The following SLC39A11 variants were observed in gnomAD, a reference collection of about 807,000 sequenced individuals.
SLC39A11 encodes zinc transporter ZIP11.
A neutral mutation model predicts 36.1 loss-of-function variants in SLC39A11; 33 were observed. The ratio of observed to expected loss-of-function variants is 0.91; its 90% CI spans 0.69 to 1.22. The LOEUF is 1.22. Ranked by LOEUF, SLC39A11 falls within the 50% of genes most tolerant of loss-of-function variation. SLC39A11 has a pLI of 0.00. For synonymous variants in SLC39A11, 166 were observed against 170.3 expected (o/e 0.97, Z 0.20); for missense variants, 432 against 430.3 (o/e 1.00, Z -0.03).
intron 7 of SLC39A11, among the ~76,000 whole-genome samples, chr17:72,734,671 G>A (rs1390835059): frequency 6.6e-6 from 1 of 152,220 alleles, no homozygotes; most frequent in Non-Finnish European, 1.5e-5. Context: ...AGAAAGTGCA[G>A]GTGACAGAAC....
chr17:72,985,573 G>A (rs930387810), intron 4 of SLC39A11, among the ~76,000 whole-genome samples: 2 of 151,794 alleles, frequency 1.3e-5, no homozygotes, highest in African/African-American at 4.8e-5. Flanking sequence ...CCACAACACC[G>A]AGCTAATTTT....
chr17:72,877,276 A>G lies in SLC39A11; in HGVS notation c.431-27472T>C, dbSNP rs560257206. 3.3e-5 allele frequency among the ~76,000 whole-genome samples: 5 copies of G among 152,318 alleles called. No homozygotes were observed. The South Asian group carries it at 8.3e-4, about 25-fold the overall frequency. On this transcript the variant is annotated intron_variant, in intron 5 of 9. Transcript: ENST00000255559. ...GTGATCAAATGTTCCTGTCTTTCCA[A>G]TCTAACTGCCTTTCTCTCTCACCTC...
At chr17:73,026,925 C>A (rs928159661) in intron 4 of SLC39A11, among the ~76,000 whole-genome samples, 35 of 151,860 alleles carry the variant, frequency 2.3e-4, no homozygotes, top group African/African-American at 8.5e-4. Context: ...CAAGACTAGC[C>A]CGGGCAACAT....
At chr17:72,823,617 T>C (rs1023882473) in intron 6 of SLC39A11, 4 of 151,478 alleles carry the variant, frequency 2.6e-5, no homozygotes, top group African/African-American at 9.7e-5. Context: ...CTGATATCAT[T>C]ACTCAGAGTC....
At chr17:72,938,759 T>A (rs1009129582) in intron 5 of SLC39A11, among the ~76,000 whole-genome samples, 1 of 152,176 alleles carries the variant, frequency 6.6e-6, no homozygotes. Context: ...CTAAAGCACA[T>A]TAAAAACACA....
chr17:72,802,751 C>T (rs940690462), intron 6 of SLC39A11, among the ~76,000 whole-genome samples: 5 of 152,042 alleles, frequency 3.3e-5, no homozygotes, highest in African/African-American at 4.8e-5. Flanking sequence ...CAGTAGAGAG[C>T]CACTCACTGT....
At chr17:72,876,985 A>G (rs1401925768) in intron 5 of SLC39A11, among the ~76,000 whole-genome samples, 1 of 152,246 alleles carries the variant, frequency 6.6e-6, no homozygotes, top group African/African-American at 2.4e-5. Context: ...GGCCCTAGCC[A>G]GGCACCCAGC....
At position 72,870,415 on chromosome 17, in the gene SLC39A11, G is replaced by C. The variant is rs558192965; in HGVS notation, c.431-20611C>G. ...GTCTCATGATAACTTCCAGGAGTTAGGTAGCATGAGATAGAAAATTATTCC... is the reference window on the plus strand; with the variant it reads ...GTCTCATGATAACTTCCAGGAGTTACGTAGCATGAGATAGAAAATTATTCC... On this transcript the variant is annotated intron_variant, in intron 5 of 9. Coordinates refer to ENST00000255559, the MANE Select transcript of SLC39A11 (RefSeq NM_139177.4). Among the ~76,000 whole-genome samples, 61 of 152,364 alleles carry C rather than the reference G, an allele frequency of 4.0e-4. No individual in the cohort carries two copies. The South Asian group carries it at 0.012, about 30-fold the overall frequency.
At position 72,914,636 on chromosome 17, in the gene SLC39A11, T is replaced by G. The variant is rs565816209; in HGVS notation, c.430+33116A>C. 2.6e-5 allele frequency among the ~76,000 whole-genome samples: 4 copies of G among 152,208 alleles called. No individual in the cohort carries two copies. In the South Asian group the frequency reaches 8.3e-4, roughly 32 times the overall value. ...TGGCTCACGTCTGCATTCCCAGCAC[T>G]TTGGGAGGTCGAGGTGGGCAGATCA... is the stretch of plus-strand genomic sequence containing the variant. On this transcript the variant is annotated intron_variant, in intron 5 of 9. Transcript: ENST00000255559.
At chr17:72,729,039 TATTCTTTTTCAGTTGGTGC>T (rs2074045935) in intron 7 of SLC39A11, among the ~76,000 whole-genome samples, 1 of 152,078 alleles carries the variant, frequency 6.6e-6, no homozygotes, top group Non-Finnish European at 1.5e-5. Flanking sequence ...GGGCTGTAAA[TATTCTTTTTCAGTTGGTGC>T]ATTCTTCACA....
At chr17:72,727,793 T>TA (rs2073993409) in intron 7 of SLC39A11, among the ~76,000 whole-genome samples, 1 of 151,318 alleles carries the variant, frequency 6.6e-6, no homozygotes, top group Non-Finnish European at 1.5e-5. Context: ...CCTGGCCAGG[T>TA]AGGGAGGTGG....
intron 5 of SLC39A11, among the ~76,000 whole-genome samples, chr17:72,902,956 A>AC (rs2082469929): frequency 6.6e-6 from 1 of 151,808 alleles, no homozygotes; most frequent in African/African-American, 2.4e-5. Context: ...AGTTAGAAAA[A>AC]AAAGTCATTA....
At chr17:72,896,771 C>T (rs762465354) in intron 5 of SLC39A11, among the ~76,000 whole-genome samples, 19 of 151,952 alleles carry the variant, frequency 1.3e-4, no homozygotes, top group Non-Finnish European at 2.2e-4. Flanking sequence ...GTCCTCACAG[C>T]CAGGTGCGGT....
chr17:73,045,773 T>C (rs1327546634), intron 3 of SLC39A11, among the ~76,000 whole-genome samples: 1 of 152,182 alleles, frequency 6.6e-6, no homozygotes, highest in Non-Finnish European at 1.5e-5. Flanking sequence ...CCATGCAGAC[T>C]TAAAAAACAA....
rs181994987 is a variant in SLC39A11 at position 72,823,550 on chromosome 17, C to T, written c.601+26084G>A. The T allele has an allele frequency of 1.6e-3, 235 of 151,508 alleles. 10 individuals carry two copies. The highest frequency in any genetic ancestry group is 4.4e-4 in the Non-Finnish European group (30 of 67,562). 9.4% of individuals were successfully genotyped at this position (151,508 alleles called of 1,614,324 possible). ...TCCAAGCCATCCATCCACTTGCCTC[C>T]CTCCAAGCCACAAAGTAGTTTCATG... On this transcript the variant is annotated intron_variant, in intron 6 of 9. Coordinates refer to ENST00000255559, the MANE Select transcript of SLC39A11 (RefSeq NM_139177.4).
chr17:72,741,338 A>C (rs544471374), intron 6 of SLC39A11, among the ~76,000 whole-genome samples: 1 of 152,330 alleles, frequency 6.6e-6, no homozygotes, highest in East Asian at 1.9e-4. Context: ...AATACAGGCT[A>C]ACACTGCATC....
chr17:73,044,878 GAAAAAAA>G (rs11298701), intron 3 of SLC39A11, among the ~76,000 whole-genome samples: 3,815 of 119,040 alleles, frequency 0.032, 168 homozygotes, highest in African/African-American at 0.11. Context: ...CTCTGTCTCA[GAAAAAAA>G]AAAAAAAAAA....
chr17:72,751,290 G>A (rs1026715774), intron 6 of SLC39A11, among the ~76,000 whole-genome samples: 9 of 152,096 alleles, frequency 5.9e-5, no homozygotes, highest in Admixed American at 4.6e-4. Context: ...GCTAACATAT[G>A]ATTATATAAT....
chr17:72,702,939 C>CAAAAAAAAAAAAAAAAAAAA (rs57566412), intron 7 of SLC39A11, among the ~76,000 whole-genome samples: 4 of 86,830 alleles, frequency 4.6e-5, no homozygotes, highest in African/African-American at 9.1e-5. Context: ...TCCATCTCAC[C>CAAAAAAAAAAAAAAAAAAAA]AAAAAAAAAA....
Sources: allele counts gnomAD v4.1 joint callset (sites outside exome capture counted in the v4.1 genomes callset), GRCh38; gene constraint gnomAD v4.1.1; transcripts MANE v1.5; gene names NCBI Gene and HGNC (gene_info 2026-07-23, HGNC 2026-07-21).